Variants in SPN observed in about 807,000 individuals in gnomAD.
SPN encodes the protein sialophorin.
A neutral mutation model predicts 8.4 loss-of-function variants in SPN; 6 were observed. The ratio of observed to expected loss-of-function variants is 0.72; its 90% CI spans 0.39 to 1.42. The LOEUF is 1.42. SPN is among the 40% of genes most tolerant of loss of function. SPN has a pLI of 0.02. For missense variants in SPN, 517 were observed against 530.6 expected (o/e 0.97, Z 0.25); for synonymous variants, 201 against 222.6 (o/e 0.90, Z 0.86).
In SPN at chr16:29,663,449, A is replaced by C. The variant is rs1966760561; in HGVS notation, c.-35+133A>C. ...GGGCTGCACAGGGTCAGGGAAGGCC[A>C]GGAGGGGCTGGTCACTGCTGGAATC... On this transcript the variant is annotated intron_variant, in intron 1 of 1. Coordinates refer to ENST00000652691, the MANE Select transcript of SPN (RefSeq NM_003123.6). This position sits in a 1 kb window ranked among gnomAD's most constrained non-coding sequence, Gnocchi z 4.3. 2 of 409,392 alleles carry C rather than the reference A, an allele frequency of 4.9e-6. No homozygotes were observed. The allele number at this position is 409,392 out of a possible 1,614,324, so 25.4% of individuals were successfully genotyped here.
rs1017406560 is a variant in SPN at position 29,666,514 on chromosome 16, TCTCTCTCTCTCACACA to T, written c.*1585_*1600del. 13 of 128,346 alleles carry T rather than the reference TCTCTCTCTCTCACACA, an allele frequency of 1.0e-4. No individual in the cohort carries two copies. The highest frequency in any genetic ancestry group is 5.4e-4 in the African/African-American group (13 of 24,116). The allele number at this position is 128,346 out of a possible 1,614,324, so 8.0% of individuals were successfully genotyped here. A position where few individuals can be genotyped will look rare whatever the true frequency, so the allele number is the denominator to read the frequency against. On this transcript the variant is annotated 3_prime_UTR_variant, in exon 2 of 2. Transcript: ENST00000652691. ...CACATGCATGTGCGCTCTCTCTCTC[TCTCTCTCTCTCACACA>T]CACACACACACACACACACACACGC...
rs1161404802 is a variant in SPN, at chr16:29,663,553, A to G, written c.-34-142A>G. ...AGCATCTGTTCCTCTGTCATTTCTG[A>G]TAACAGTAAAAGCCAGCATGGAAAA... is the stretch of plus-strand genomic sequence containing the variant. On this transcript the variant is annotated intron_variant, in intron 1 of 1. Transcript: ENST00000652691. The surrounding 1 kb of genome is among the most constrained non-coding windows in gnomAD (Gnocchi z 4.3). 1 of 826,238 alleles carries G rather than the reference A, an allele frequency of 1.2e-6. No individual in the cohort carries two copies. 51.2% of individuals were successfully genotyped at this position (826,238 alleles called of 1,614,324 possible). A position where few individuals can be genotyped will look rare whatever the true frequency, so the allele number is the denominator to read the frequency against.
chr16:29,670,708 A>AT lies in SPN; in HGVS notation c.*5779dup, dbSNP rs1344756028. 10 of 453,484 alleles carry AT rather than the reference A, an allele frequency of 2.2e-5. No homozygotes were observed. The Admixed American group carries it at 2.4e-4, about 11-fold the overall frequency. 28.1% of individuals were successfully genotyped at this position (453,484 alleles called of 1,614,324 possible). A position where few individuals can be genotyped will look rare whatever the true frequency, so the allele number is the denominator to read the frequency against. On this transcript the variant is annotated 3_prime_UTR_variant, in exon 2 of 2. Coordinates refer to ENST00000652691, the MANE Select transcript of SPN (RefSeq NM_003123.6). ...ATATGATTTTAGTTTTGTAATAAAA[A>AT]TTCCCAACCATATATGCACTTATAG... is the stretch of plus-strand genomic sequence containing the variant.
rs1966826265 is a variant in SPN at position 29,667,048 on chromosome 16, T to C, written c.*2117T>C. The C allele has an allele frequency of 6.4e-6, 3 of 468,180 alleles. No individual in the cohort carries two copies. The highest frequency in any genetic ancestry group is 8.9e-6 in the Non-Finnish European group (2 of 225,596). The allele number at this position is 468,180 out of a possible 1,614,324, so 29.0% of individuals were successfully genotyped here. ...TCAGGTGGGGGATGGGCTCGTGCAG[T>C]GGGAGAGGAGACGGAGGGAGGGAGC... is the stretch of plus-strand genomic sequence containing the variant. On this transcript the variant is annotated 3_prime_UTR_variant, in exon 2 of 2. Transcript: ENST00000652691.
rs1279108648 is a variant in SPN at position 29,666,550 on chromosome 16, A to ACGTGCG, written c.*1620_*1621insGTGCGC. The ACGTGCG allele has an allele frequency of 1.4e-5, 2 of 140,496 alleles. No individual in the cohort carries two copies. Among genetic ancestry groups the ACGTGCG allele is most frequent in the Admixed American group, 1.1e-4 (1 of 9,262 alleles). The allele number at this position is 140,496 out of a possible 1,614,324, so 8.7% of individuals were successfully genotyped here. On this transcript the variant is annotated 3_prime_UTR_variant, in exon 2 of 2. Coordinates refer to ENST00000652691, the MANE Select transcript of SPN (RefSeq NM_003123.6). Reference sequence around the variant, plus strand: ...CACACACACACACACACACACACACACACGCGCGCGCGCGCGCGCTCTCCT... The same window carrying ACGTGCG: ...CACACACACACACACACACACACACACGTGCGCACGCGCGCGCGCGCGCGCTCTCCT...
Position 29,664,465 on chromosome 16 carries a change from G to T in SPN, c.737G>T (p.Arg246Leu). 6.2e-7 allele frequency: 1 copy of T among 1,614,210 alleles called. No homozygotes were observed. Among genetic ancestry groups the T allele is most frequent in the South Asian group, 1.1e-5 (1 of 91,088 alleles). The change falls in exon 2 of 2, where the codon CGG (arginine) becomes CTG (leucine). Residue 246 changes from arginine to leucine, a missense_variant. By Grantham distance (102) the Arg-to-Leu change is moderately radical (BLOSUM62 -2). Coordinates refer to ENST00000652691, the MANE Select transcript of SPN (RefSeq NM_003123.6). The surrounding 1 kb of genome is among the most constrained non-coding windows in gnomAD (Gnocchi z 6.4). Reference protein sequence around the residue: ...TSTNASTVPFRNPDENSRGML... With the variant: ...TSTNASTVPFLNPDENSRGML... ...ACCAACGCAAGCACTGTGCCCTTCC[G>T]GAACCCAGATGAGAACTCACGAGGC...
At position 29,664,537 on chromosome 16, in the gene SPN, T is replaced by C. The variant is rs1263033204; in HGVS notation, c.809T>C (p.Leu270Pro). 3.1e-6 allele frequency: 5 copies of C among 1,613,790 alleles called. No individual in the cohort carries two copies. Among genetic ancestry groups the C allele is most frequent in the Non-Finnish European group, 4.2e-6 (5 of 1,179,954 alleles). Residue 270 changes from leucine (L) to proline (P), a missense_variant, in exon 2 of 2, where the codon CTC becomes CCC. Leu to Pro is a moderately conservative substitution (Grantham distance 98). Coordinates refer to ENST00000652691, the MANE Select transcript of SPN (RefSeq NM_003123.6). This position sits in a 1 kb window ranked among gnomAD's most constrained non-coding sequence, Gnocchi z 6.4. ...VLVALLAVIV[L>P]VALLLLWRRR... ...GTGGCCCTGCTGGCGGTCATAGTCC[T>C]CGTGGCTCTGCTCCTGCTGTGGCGC...
chr16:29,666,546 A>ACGCGCG lies in SPN; in HGVS notation c.*1616_*1617insGCGCGC, dbSNP rs1190821616. The stretch of plus-strand genomic sequence containing the variant: ...CTCTCACACACACACACACACACAC[A>ACGCGCG]CACACACGCGCGCGCGCGCGCGCTC... On this transcript the variant is annotated 3_prime_UTR_variant, in exon 2 of 2. Coordinates refer to ENST00000652691, the MANE Select transcript of SPN (RefSeq NM_003123.6). 27 of 194,118 alleles carry ACGCGCG rather than the reference A, an allele frequency of 1.4e-4. No homozygotes were observed. The highest frequency in any genetic ancestry group is 2.2e-4 in the Non-Finnish European group (20 of 91,398). The allele number at this position is 194,118 out of a possible 1,614,324, so 12.0% of individuals were successfully genotyped here. A position where few individuals can be genotyped will look rare whatever the true frequency, so the allele number is the denominator to read the frequency against.
rs1555490188 is a variant in SPN, at chr16:29,666,558, G to GCGCA, written c.*1630_*1631insACGC. On this transcript the variant is annotated 3_prime_UTR_variant, in exon 2 of 2. Transcript: ENST00000652691. ...CACACACACACACACACACACGCGCGCGCGCGCGCGCTCTCCTGCGAACAG... is the reference window on the plus strand; with the variant it reads ...CACACACACACACACACACACGCGCGCGCACGCGCGCGCGCTCTCCTGCGAACAG... The GCGCA allele has an allele frequency of 3.9e-5, 8 of 203,912 alleles. No individual in the cohort carries two copies. The highest frequency in any genetic ancestry group is 9.2e-5 in the African/African-American group (3 of 32,614). The allele number at this position is 203,912 out of a possible 1,614,324, so 12.6% of individuals were successfully genotyped here.
In SPN at chr16:29,666,755, C is replaced by T. The variant is rs567852019; in HGVS notation, c.*1824C>T. Reference sequence around the variant, plus strand: ...AGTGAGTGAAGGAGGGGCCTGGAGCCAGGGACTTCCCCTGTGGGGCCTGGG... The same window carrying T: ...AGTGAGTGAAGGAGGGGCCTGGAGCTAGGGACTTCCCCTGTGGGGCCTGGG... On this transcript the variant is annotated 3_prime_UTR_variant, in exon 2 of 2. Coordinates refer to ENST00000652691, the MANE Select transcript of SPN (RefSeq NM_003123.6). 1.5e-4 allele frequency: 60 copies of T among 394,350 alleles called. No individual in the cohort carries two copies. The highest frequency in any genetic ancestry group is 1.2e-3 in the African/African-American group (58 of 47,970). 24.4% of individuals were successfully genotyped at this position (394,350 alleles called of 1,614,324 possible).
rs1396695627 is a variant in SPN, at chr16:29,665,840, C to G, written c.*909C>G. ...CACCAGCCCATGCTCTCAGGCGGGCCTGTGATCTTTCCCAGGGCACATGGA... is the reference window on the plus strand; with the variant it reads ...CACCAGCCCATGCTCTCAGGCGGGCGTGTGATCTTTCCCAGGGCACATGGA... On this transcript the variant is annotated 3_prime_UTR_variant, in exon 2 of 2. Coordinates refer to ENST00000652691, the MANE Select transcript of SPN (RefSeq NM_003123.6). 2 of 167,116 alleles carry G rather than the reference C, an allele frequency of 1.2e-5. No individual in the cohort carries two copies. The highest frequency in any genetic ancestry group is 3.9e-4 in the East Asian group (2 of 5,172). 10.4% of individuals were successfully genotyped at this position (167,116 alleles called of 1,614,324 possible).
rs1966821976 is a variant in SPN at position 29,666,688 on chromosome 16, C to T, written c.*1757C>T. On this transcript the variant is annotated 3_prime_UTR_variant, in exon 2 of 2. Transcript: ENST00000652691. ...TTTGTCTGTGTCTCCTCTTCCATCC[C>T]AGGGGCTGAGCCCCTTCCATCCTCC... is the stretch of plus-strand genomic sequence containing the variant. 1.6e-4 allele frequency: 53 copies of T among 341,368 alleles called. 1 individual carries two copies. The highest frequency in any genetic ancestry group is 1.2e-3 in the South Asian group (50 of 40,526). The allele number at this position is 341,368 out of a possible 1,614,324, so 21.1% of individuals were successfully genotyped here.
chr16:29,665,158 G>A lies in SPN; in HGVS notation c.*227G>A, dbSNP rs140801565. The A allele has an allele frequency of 7.4e-4, 317 of 428,760 alleles. 1 individual carries two copies. The highest frequency in any genetic ancestry group is 6.1e-3 in the African/African-American group (299 of 48,912). The allele number at this position is 428,760 out of a possible 1,614,324, so 26.6% of individuals were successfully genotyped here. On this transcript the variant is annotated 3_prime_UTR_variant, in exon 2 of 2. Coordinates refer to ENST00000652691, the MANE Select transcript of SPN (RefSeq NM_003123.6). ...CAACCTCTGCCTCCTAAGTTCAGGC[G>A]ATTCTCCTGCCTCAGCTTCCCGAGT...
In SPN at chr16:29,669,169, T is replaced by C. The variant is rs1205978086; in HGVS notation, c.*4238T>C. ...TTTTTTAAAGTGGAGCAGTTCAATA[T>C]AGAGTCTTTTTTGAACAAACGTGAA... On this transcript the variant is annotated 3_prime_UTR_variant, in exon 2 of 2. Transcript: ENST00000652691. 6.0e-6 allele frequency: 1 copy of C among 166,770 alleles called. No individual in the cohort carries two copies. Among genetic ancestry groups the C allele is most frequent in the Non-Finnish European group, 1.5e-5 (1 of 68,068 alleles). 10.3% of individuals were successfully genotyped at this position (166,770 alleles called of 1,614,324 possible).
rs1966825193 is a variant in SPN, at chr16:29,666,991, T to G, written c.*2060T>G. The G allele has an allele frequency of 8.5e-6, 4 of 470,634 alleles. No individual in the cohort carries two copies. Among genetic ancestry groups the G allele is most frequent in the African/African-American group, 8.0e-5 (4 of 50,018 alleles). 29.2% of individuals were successfully genotyped at this position (470,634 alleles called of 1,614,324 possible). Reference sequence around the variant, plus strand: ...AGGCATGTGAGTGTGACAGCCCTGCTCTGTGGCCTGGGCAGGAGATGGGGG... The same window carrying G: ...AGGCATGTGAGTGTGACAGCCCTGCGCTGTGGCCTGGGCAGGAGATGGGGG... On this transcript the variant is annotated 3_prime_UTR_variant, in exon 2 of 2. Transcript: ENST00000652691.
rs532226431 is a variant in SPN, at chr16:29,669,723, A to T, written c.*4792A>T. 1 of 159,336 alleles carries T rather than the reference A, an allele frequency of 6.3e-6. No homozygotes were observed. Among genetic ancestry groups the T allele is most frequent in the South Asian group, 2.1e-4 (1 of 4,716 alleles). The allele number at this position is 159,336 out of a possible 1,614,324, so 9.9% of individuals were successfully genotyped here. A position where few individuals can be genotyped will look rare whatever the true frequency, so the allele number is the denominator to read the frequency against. ...GGTGAAACCCTGTTTCAAAATACAA[A>T]AAATTAGCTGGGCGTGGTGGCGGGC... On this transcript the variant is annotated 3_prime_UTR_variant, in exon 2 of 2. Coordinates refer to ENST00000652691, the MANE Select transcript of SPN (RefSeq NM_003123.6).
In SPN at chr16:29,664,167, A is replaced by G. The variant is rs1408654617; in HGVS notation, c.439A>G (p.Ser147Gly). Residue 147 changes from serine (S) to glycine (G), a missense_variant, in exon 2 of 2, where the codon AGT (serine) becomes GGT (glycine). By Grantham distance (56) the Ser-to-Gly change is moderately conservative. Transcript: ENST00000652691. This position sits in a 1 kb window ranked among gnomAD's most constrained non-coding sequence, Gnocchi z 6.4. Reference sequence around the variant, plus strand: ...CTCTCCAGAAACCTCCAGTAGGACCAGTGGAGCCCCTGTTACCACGGCAGC... The same window carrying G: ...CTCTCCAGAAACCTCCAGTAGGACCGGTGGAGCCCCTGTTACCACGGCAGC... Reference protein sequence around the residue: ...TNSPETSSRTSGAPVTTAASS... With the variant: ...TNSPETSSRTGGAPVTTAASS... The G allele has an allele frequency of 1.9e-6, 3 of 1,613,940 alleles. No homozygotes were observed. Among genetic ancestry groups the G allele is most frequent in the South Asian group, 1.1e-5 (1 of 91,070 alleles).
Position 29,664,415 on chromosome 16 carries a change from T to C in SPN, c.687T>C (p.Ser229=). 1 of 1,614,154 alleles carries C rather than the reference T, an allele frequency of 6.2e-7. No homozygotes were observed. The highest frequency in any genetic ancestry group is 8.5e-7 in the Non-Finnish European group (1 of 1,180,030). The change falls in exon 2 of 2, where the codon TCT becomes TCC. Residue 229 remains serine, a synonymous_variant. Coordinates refer to ENST00000652691, the MANE Select transcript of SPN (RefSeq NM_003123.6). This position sits in a 1 kb window ranked among gnomAD's most constrained non-coding sequence, Gnocchi z 6.4. ...SGPQVSSVKL[S]TMMSPTTSTN... ...CCCAGGTCTCTAGCGTAAAACTATC[T>C]ACAATGATGTCTCCAACGACCTCCA...
In SPN at chr16:29,665,123, C is replaced by T; in HGVS notation, c.*192C>T. 1.9e-6 allele frequency: 1 copy of T among 539,626 alleles called. No homozygotes were observed. The highest frequency in any genetic ancestry group is 2.9e-6 in the Non-Finnish European group (1 of 343,584). The allele number at this position is 539,626 out of a possible 1,614,324, so 33.4% of individuals were successfully genotyped here. A position where few individuals can be genotyped will look rare whatever the true frequency, so the allele number is the denominator to read the frequency against. ...CAGGCTGGAGTGCAATGCACGATCT[C>T]AGTTCACTGCAACCTCTGCCTCCTA... On this transcript the variant is annotated 3_prime_UTR_variant, in exon 2 of 2. Transcript: ENST00000652691.
Sources: gnomAD v4.1 joint callset for allele counts on GRCh38, gnomAD v4.1.1 for gene constraint, Gnocchi (gnomAD v3.1) non-coding constraint, MANE v1.5 for transcripts, NCBI Gene and HGNC (gene_info 2026-07-23, HGNC 2026-07-21) for gene names.